Variants in NEBL observed in about 807,000 individuals in gnomAD.
NEBL encodes the protein LIM and SH3 protein 2.
Under a neutral mutation model 140.2 loss-of-function variants are expected in NEBL, and 122 were observed. That is an observed-to-expected ratio of 0.87 (90% CI 0.75 to 1.01). The LOEUF (loss-of-function observed/expected upper bound fraction) is 1.01, where lower values mean the gene tolerates loss of function less well. Among genes scored for constraint, NEBL ranks in the 50% least tolerant of loss-of-function variants. The probability of loss-of-function intolerance (pLI) is 0.00; values close to 1 mark genes in which losing one functional copy is unlikely to be tolerated. For synonymous variants in NEBL, 436 were observed against 398.9 expected (o/e 1.09, Z -1.11); for missense variants, 1,365 against 1,231.3 (o/e 1.11, Z -1.62).
chr10:21,000,323 C>T (rs898720807), intron 3 of NEBL, among the ~76,000 whole-genome samples: 2 of 152,082 alleles, frequency 1.3e-5, no homozygotes, highest in Non-Finnish European at 2.9e-5. Flanking sequence ...GAAATAGCTA[C>T]AGAGAGGCCC....
At chr10:20,963,010 A>ACACG (rs1220035290) in intron 3 of NEBL, among the ~76,000 whole-genome samples, 5 of 79,830 alleles carry the variant, frequency 6.3e-5, no homozygotes, top group African/African-American at 1.9e-4. Context: ...AAAAACACAC[A>ACACG]CACACACACA....
intron 2 of NEBL, among the ~76,000 whole-genome samples, chr10:21,105,346 C>G (rs952443397): frequency 9.9e-5 from 15 of 151,938 alleles, no homozygotes; most frequent in African/African-American, 3.4e-4. Flanking sequence ...AGTCCCCTAC[C>G]CCCCGACAGG....
At chr10:21,228,814 G>C (rs1363118169) in intron 3 of NEBL, among the ~76,000 whole-genome samples, 1 of 152,118 alleles carries the variant, frequency 6.6e-6, no homozygotes, top group Non-Finnish European at 1.5e-5. Context: ...GCCTGTTACA[G>C]TCATTCATTT....
chr10:21,162,361 G>C (rs562466415), intron 2 of NEBL, among the ~76,000 whole-genome samples: 2 of 151,308 alleles, frequency 1.3e-5, no homozygotes, highest in Admixed American at 1.3e-4. Context: ...TGAGGGGGTC[G>C]TGGGAACTCT....
intron 18 of NEBL, among the ~76,000 whole-genome samples, chr10:20,824,376 G>A (rs191281411): frequency 3.8e-4 from 58 of 152,234 alleles, no homozygotes; most frequent in African/African-American, 1.3e-3. Flanking sequence ...CTATGTCTTA[G>A]TATCTGTGGA....
chr10:21,028,327 C>T (rs1272768413), intron 2 of NEBL, among the ~76,000 whole-genome samples: 4 of 149,974 alleles, frequency 2.7e-5, no homozygotes, highest in African/African-American at 7.4e-5. Context: ...AGAGTACCAC[C>T]ATCAGGTCTT....
chr10:21,100,647 C>A (rs922363367), intron 2 of NEBL, among the ~76,000 whole-genome samples: 1 of 152,106 alleles, frequency 6.6e-6, no homozygotes, highest in African/African-American at 2.4e-5. Flanking sequence ...CTAATTTTCT[C>A]CAAAAGAAAT....
intron 2 of NEBL, among the ~76,000 whole-genome samples, chr10:21,066,389 T>C (rs1262873808): frequency 6.6e-6 from 1 of 152,152 alleles, no homozygotes; most frequent in African/African-American, 2.4e-5. Context: ...TAGCAATTCG[T>C]TGTTGATAAA....
At position 20,974,822 on chromosome 10, in the gene NEBL, T is replaced by C. The variant is rs563106805; in HGVS notation, c.250-13043A>G. Among the ~76,000 whole-genome samples, 35 of 152,302 alleles carry C rather than the reference T, an allele frequency of 2.3e-4. No individual in the cohort carries two copies. The South Asian group carries it at 6.4e-3, about 28-fold the overall frequency. ...AAGTGTGTAGGTTAATTTGCTAGTC[T>C]GACTTTTAAAAATTAACGTGAATTT... On this transcript the variant is annotated intron_variant, in intron 3 of 6. Transcript: ENST00000417816.
intron 20 of NEBL, 143 bp from the exon 21 acceptor site, chr10:20,817,835 C>A (rs752286743): frequency 2.8e-6 from 2 of 719,692 alleles, no homozygotes; most frequent in Non-Finnish European, 5.0e-6. Flanking sequence ...CTTACATATA[C>A]GCCCACATTC....
rs1835156422 is a variant in NEBL at position 20,783,400 on chromosome 10, T to A, written c.*2347A>T. On this transcript the variant is annotated 3_prime_UTR_variant, in exon 28 of 28. Coordinates refer to ENST00000377122, the MANE Select transcript of NEBL (RefSeq NM_006393.3). ...GATCAGATCTTAATTCCTAAAGGCT[T>A]GAAGCAGAAATATTTTGCTATGCAA... 6.6e-6 allele frequency: 1 copy of A among 152,214 alleles called. No homozygotes were observed. The highest frequency in any genetic ancestry group is 2.4e-5 in the African/African-American group (1 of 41,452). 9.4% of individuals were successfully genotyped at this position (152,214 alleles called of 1,614,324 possible).
intron 2 of NEBL, among the ~76,000 whole-genome samples, chr10:21,077,257 A>G: frequency 6.6e-6 from 1 of 152,198 alleles, no homozygotes; most frequent in East Asian, 1.9e-4. Context: ...TTGGGGGAAG[A>G]AAAGCTTTGT....
At position 21,173,849 on chromosome 10, in the gene NEBL, G is replaced by GGGCGGCGGC; in HGVS notation, c.-25_-17dup. On this transcript the variant is annotated 5_prime_UTR_variant, in exon 1 of 7. Coordinates refer to the NEBL transcript ENST00000417816. The surrounding 1 kb of genome is among the most constrained non-coding windows in gnomAD (Gnocchi z 5.7). The stretch of plus-strand genomic sequence containing the variant: ...GGGGGTTCATGATCGCGGTTCCCGG[G>GGGCGGCGGC]GGCGGCGGCGGCGGCGGCTGCTGGC... 6.2e-7 allele frequency: 1 copy of GGGCGGCGGC among 1,609,090 alleles called. No homozygotes were observed. The highest frequency in any genetic ancestry group is 8.5e-7 in the Non-Finnish European group (1 of 1,179,122).
intron 9 of NEBL, 32 bp downstream of exon 9, chr10:20,858,208 C>T (rs1843285157): frequency 1.3e-6 from 2 of 1,522,792 alleles, no homozygotes; most frequent in South Asian, 1.1e-5. Flanking sequence ...AGCCACAAGG[C>T]AACTACGGTT....
intron 2 of NEBL, among the ~76,000 whole-genome samples, chr10:21,102,331 T>C (rs1837514968): frequency 6.6e-6 from 1 of 152,238 alleles, no homozygotes; most frequent in Admixed American, 6.5e-5. Flanking sequence ...TGGATTTTGA[T>C]ATATGCATGT....
intron 2 of NEBL, among the ~76,000 whole-genome samples, chr10:21,067,992 A>G (rs531501727): frequency 6.6e-6 from 1 of 152,232 alleles, no homozygotes; most frequent in South Asian, 2.1e-4. Flanking sequence ...AAAAAAATGT[A>G]ATATACTTCC....
chr10:20,998,936 C>A (rs1286608495), intron 3 of NEBL, among the ~76,000 whole-genome samples: 1 of 152,068 alleles, frequency 6.6e-6, no homozygotes, highest in Non-Finnish European at 1.5e-5. Context: ...TGGGGGCCGC[C>A]AACAAAACAG....
At chr10:21,133,315 C>A (rs1003612613) in intron 2 of NEBL, among the ~76,000 whole-genome samples, 1 of 152,094 alleles carries the variant, frequency 6.6e-6, no homozygotes, top group Admixed American at 6.6e-5. Flanking sequence ...AGTTAAATCA[C>A]GAAAGGGAAA....
In NEBL at chr10:21,134,228, GA is replaced by G. The variant is rs143029785; in HGVS notation, c.164+38154del. On this transcript the variant is annotated intron_variant, in intron 2 of 6. Transcript: ENST00000417816. ...GCAACAGAGTGAGACTCCATCTCAA[GA>G]AAAAAAAAAAAAATCTAAGTAGGTG... 8.6e-3 allele frequency among the ~76,000 whole-genome samples: 1,118 copies of G among 130,736 alleles called. 10 individuals are homozygous for G. Among genetic ancestry groups the G allele is most frequent in the African/African-American group, 0.019 (697 of 35,760 alleles). 85.8% of individuals were successfully genotyped at this position (130,736 alleles called of 152,430 possible).
Sources: allele counts gnomAD v4.1 joint callset (sites outside exome capture counted in the v4.1 genomes callset), GRCh38; gene constraint gnomAD v4.1.1; non-coding constraint Gnocchi (gnomAD v3.1); transcripts MANE v1.5; gene names NCBI Gene and HGNC (gene_info 2026-07-23, HGNC 2026-07-21).